Variants in IGSF21 observed in about 807,000 individuals in gnomAD.
IGSF21 encodes immunoglobulin superfamily member 21.
Under a neutral mutation model 46.8 loss-of-function variants are expected in IGSF21, and 28 were observed. That is an observed-to-expected ratio of 0.60 (90% CI 0.44 to 0.82). IGSF21 has a LOEUF of 0.82. IGSF21 is among the 40% of genes least tolerant of loss of function. The pLI is 0.00. For missense variants in IGSF21, 624 were observed against 665.5 expected, an observed-to-expected ratio of 0.94 and a Z score of 0.69; for synonymous variants, 284 against 273.6, an observed-to-expected ratio of 1.04 and a Z score of -0.38.
At chr1:18,180,357 A>T (rs549189121) in intron 1 of IGSF21, among the ~76,000 whole-genome samples, 69 of 152,322 alleles carry the variant, frequency 4.5e-4, no homozygotes, top group Middle Eastern at 6.8e-3. Context: ...GGCAGTTACA[A>T]CCATCTTTGT....
At chr1:18,341,082 C>CTTCCTCTTCTTCTTCTTCTT (rs1557651938) in intron 4 of IGSF21, among the ~76,000 whole-genome samples, 12 of 98,666 alleles carry the variant, frequency 1.2e-4, no homozygotes, top group Non-Finnish European at 2.0e-4. Flanking sequence ...TTCTTCTCCT[C>CTTCCTCTTCTTCTTCTTCTT]CTCCTCCTCC....
chr1:18,148,335 T>C (rs905021442), intron 1 of IGSF21, among the ~76,000 whole-genome samples: 2 of 152,126 alleles, frequency 1.3e-5, no homozygotes, highest in Non-Finnish European at 2.9e-5. Context: ...GGTTTCACCA[T>C]GTTAGCCAGG....
rs2086107215 is a variant in IGSF21, at chr1:18,362,128, C to T, written c.438C>T (p.Ser146=). The T allele has an allele frequency of 1.2e-6, 2 of 1,609,722 alleles. No individual in the cohort carries two copies. Among genetic ancestry groups the T allele is most frequent in the Non-Finnish European group, 1.7e-6 (2 of 1,177,748 alleles). ...IFLNVMAPPT[S]IEVVAADTPA... ...CTTTTGGGGCAGCTCCTCCCACCTC[C>T]ATTGAAGTGGTGGCTGCTGACACAC... The change falls in exon 5 of 10, where the codon TCC becomes TCT. Residue 146 remains serine (S), a synonymous_variant. Coordinates refer to ENST00000251296, the MANE Select transcript of IGSF21 (RefSeq NM_032880.5).
At chr1:18,241,694 C>T in intron 2 of IGSF21, among the ~76,000 whole-genome samples, 1 of 152,162 alleles carries the variant, frequency 6.6e-6, no homozygotes, top group Non-Finnish European at 1.5e-5. Context: ...CCATCTCCCT[C>T]ATATCATCAT....
intron 4 of IGSF21, among the ~76,000 whole-genome samples, chr1:18,354,779 C>G (rs560241682): frequency 6.6e-6 from 1 of 152,286 alleles, no homozygotes; most frequent in African/African-American, 2.4e-5. Context: ...GAAAGAAATT[C>G]CCCTATACAT....
chr1:18,324,881 C>T (rs926736979), intron 3 of IGSF21, among the ~76,000 whole-genome samples: 2 of 152,186 alleles, frequency 1.3e-5, no homozygotes, highest in Non-Finnish European at 2.9e-5. Context: ...CGGGTTATTC[C>T]GTCTTCGGTA....
At chr1:18,277,983 A>G (rs750883617) in intron 2 of IGSF21, among the ~76,000 whole-genome samples, 16 of 152,332 alleles carry the variant, frequency 1.1e-4, no homozygotes, top group South Asian at 4.1e-4. Flanking sequence ...AAGAACCCTG[A>G]GTGGTACTCT....
chr1:18,119,319 C>T (rs1206187765), intron 1 of IGSF21, among the ~76,000 whole-genome samples: 2 of 152,216 alleles, frequency 1.3e-5, no homozygotes. Flanking sequence ...CAATAAGTGG[C>T]CATGTGTGAC....
chr1:18,345,788 T>C (rs900402546), intron 4 of IGSF21, among the ~76,000 whole-genome samples: 1 of 152,234 alleles, frequency 6.6e-6, no homozygotes, highest in Non-Finnish European at 1.5e-5. Context: ...GTGATTACTT[T>C]ATCCATTTTA....
chr1:18,352,883 A>T (rs541746645), intron 4 of IGSF21, among the ~76,000 whole-genome samples: 1 of 152,306 alleles, frequency 6.6e-6, no homozygotes, highest in African/African-American at 2.4e-5. Flanking sequence ...GCCCGCAGCC[A>T]CTGGGATCCT....
At chr1:18,244,878 A>C (rs1384173662) in intron 2 of IGSF21, among the ~76,000 whole-genome samples, 2 of 152,230 alleles carry the variant, frequency 1.3e-5, no homozygotes, top group Non-Finnish European at 2.9e-5. Context: ...AAAAATGTAT[A>C]TCCTGGAACC....
rs74055955 is a variant in IGSF21, at chr1:18,189,134, C to T, written c.71-38764C>T. Among the ~76,000 whole-genome samples, 1,055 of 152,334 alleles carry T rather than the reference C, an allele frequency of 6.9e-3. 16 individuals are homozygous for T. The highest frequency in any genetic ancestry group is 0.024 in the African/African-American group (997 of 41,584). ...CCCAGAGATGGGCAGTGGCAGCAGG[C>T]CCAAGGCCTCATAGCGGGGTGCCAG... On this transcript the variant is annotated intron_variant, in intron 1 of 9. Coordinates refer to ENST00000251296, the MANE Select transcript of IGSF21 (RefSeq NM_032880.5).
intron 1 of IGSF21, among the ~76,000 whole-genome samples, chr1:18,129,713 A>G (rs2086301474): frequency 6.6e-6 from 1 of 152,192 alleles, no homozygotes; most frequent in African/African-American, 2.4e-5. Flanking sequence ...TGCACAGAGG[A>G]TATGTTGTGA....
At chr1:18,244,471 G>A (rs746545738) in intron 2 of IGSF21, among the ~76,000 whole-genome samples, 8 of 152,220 alleles carry the variant, frequency 5.3e-5, no homozygotes, top group Admixed American at 2.0e-4. Flanking sequence ...CTGAAAGCTC[G>A]TGAAGGAAAG....
intron 1 of IGSF21, among the ~76,000 whole-genome samples, chr1:18,216,007 C>G (rs1034676525): frequency 2.0e-5 from 3 of 152,148 alleles, no homozygotes; most frequent in African/African-American, 7.2e-5. Flanking sequence ...GGCTTGAGCG[C>G]TAGTCTGATG....
At chr1:18,255,614 A>C in intron 2 of IGSF21, among the ~76,000 whole-genome samples, 1 of 148,352 alleles carries the variant, frequency 6.7e-6, no homozygotes, top group African/African-American at 2.5e-5. Flanking sequence ...TTTCCCTGAA[A>C]CTCCCTCTTG....
chr1:18,228,386 G>C (rs2084590986), intron 2 of IGSF21, among the ~76,000 whole-genome samples: 1 of 152,154 alleles, frequency 6.6e-6, no homozygotes, highest in South Asian at 2.1e-4. Context: ...AAGGGAGAGA[G>C]AAAAACAGGA....
At chr1:18,209,185 T>C (rs1489392758) in intron 1 of IGSF21, among the ~76,000 whole-genome samples, 1 of 152,226 alleles carries the variant, frequency 6.6e-6, no homozygotes, top group Non-Finnish European at 1.5e-5. Context: ...ATCATTACAA[T>C]AGTGGTAGCA....
intron 4 of IGSF21, among the ~76,000 whole-genome samples, chr1:18,342,352 C>T (rs1011219212): frequency 6.6e-6 from 1 of 152,200 alleles, no homozygotes. Flanking sequence ...CCTCGGCCCC[C>T]CAAAGTGCTG....
Sources: allele counts gnomAD v4.1 joint callset (sites outside exome capture counted in the v4.1 genomes callset), GRCh38; gene constraint gnomAD v4.1.1; transcripts MANE v1.5; gene names NCBI Gene and HGNC (gene_info 2026-07-23, HGNC 2026-07-21).